TTC7B: variants seen among roughly 807,000 people sequenced by gnomAD.
TTC7B encodes the protein tetratricopeptide repeat domain 7B.
A neutral mutation model predicts 106.8 loss-of-function variants in TTC7B; 28 were observed. The observed-to-expected ratio is 0.26, with a 90% confidence interval of 0.19 to 0.36. The LOEUF (loss-of-function observed/expected upper bound fraction) is 0.36, where lower values mean the gene tolerates loss of function less well. TTC7B is among the 10% of genes least tolerant of loss of function. The pLI is 1.00. For missense variants in TTC7B, 862 were observed against 1,076.4 expected (o/e 0.80, Z 2.79); for synonymous variants, 405 against 430.6 (o/e 0.94, Z 0.74).
chr14:90,729,700 C>T (rs979634603), intron 5 of TTC7B, among the ~76,000 whole-genome samples: 1 of 152,196 alleles, frequency 6.6e-6, no homozygotes, highest in African/African-American at 2.4e-5. Context: ...GGGCGATGCT[C>T]CTGTGTGCCA....
chr14:90,661,959 T>C (rs1309426783), intron 9 of TTC7B, among the ~76,000 whole-genome samples: 1 of 152,168 alleles, frequency 6.6e-6, no homozygotes, highest in East Asian at 1.9e-4. Context: ...GTCTAATTGG[T>C]ATAGAACTGC....
rs1324732691 is a variant in TTC7B at position 90,600,313 on chromosome 14, G to A, written c.1967-6687C>T. Among the ~76,000 whole-genome samples, 2 of 152,172 alleles carry A rather than the reference G, an allele frequency of 1.3e-5. No homozygotes were observed. The highest frequency in any genetic ancestry group is 2.1e-4 in the South Asian group (1 of 4,834). On this transcript the variant is annotated intron_variant, in intron 17 of 19. Coordinates refer to ENST00000328459, the MANE Select transcript of TTC7B (RefSeq NM_001010854.2). The surrounding 1 kb of genome is among the most constrained non-coding windows in gnomAD (Gnocchi z 4.3). ...TCCAGGTGGTGGCTCCTTGCACCGCGCTGTCACAGCTCTCCTCTCCATCTG... is the reference window on the plus strand; with the variant it reads ...TCCAGGTGGTGGCTCCTTGCACCGCACTGTCACAGCTCTCCTCTCCATCTG...
Position 90,658,296 on chromosome 14 carries a change from G to A in TTC7B, c.1236+8C>T. 1 of 1,613,540 alleles carries A rather than the reference G, an allele frequency of 6.2e-7. No individual in the cohort carries two copies. The highest frequency in any genetic ancestry group is 2.2e-5 in the East Asian group (1 of 44,828). On this transcript the variant is annotated splice_region_variant and intron_variant, in intron 10 of 19. Coordinates refer to ENST00000328459, the MANE Select transcript of TTC7B (RefSeq NM_001010854.2). ...CATAAAAAACTGCCCATCACAAAAGGGACTCACTTTTCCAGCAGCCATCAG... is the reference window on the plus strand; with the variant it reads ...CATAAAAAACTGCCCATCACAAAAGAGACTCACTTTTCCAGCAGCCATCAG...
At chr14:90,557,918 A>C (rs971982414) in intron 19 of TTC7B, among the ~76,000 whole-genome samples, 3 of 152,244 alleles carry the variant, frequency 2.0e-5, no homozygotes, top group Non-Finnish European at 4.4e-5. Context: ...GCAGAGGAGA[A>C]GAGCTGCCAG....
chr14:90,644,442 A>G (rs1885346167), intron 14 of TTC7B, among the ~76,000 whole-genome samples: 1 of 152,248 alleles, frequency 6.6e-6, no homozygotes, highest in African/African-American at 2.4e-5. Context: ...TCTGACTGAT[A>G]GAGTGATACA....
At chr14:90,591,038 T>C (rs1248161373) in intron 18 of TTC7B, among the ~76,000 whole-genome samples, 1 of 152,128 alleles carries the variant, frequency 6.6e-6, no homozygotes, top group Admixed American at 6.5e-5. Context: ...TATATTAAAA[T>C]TCAAGGACAG....
chr14:90,695,610 C>T, intron 5 of TTC7B, 32 bp from the exon 6 acceptor site: 1 of 1,438,250 alleles, frequency 7.0e-7, no homozygotes, highest in Non-Finnish European at 9.6e-7. Context: ...CGGTTTTCAT[C>T]TGGCATGTAT....
intron 19 of TTC7B, among the ~76,000 whole-genome samples, chr14:90,555,280 G>A (rs1005546483): frequency 2.6e-5 from 4 of 152,200 alleles, no homozygotes; most frequent in African/African-American, 7.2e-5. Flanking sequence ...TGACGCAGCC[G>A]ACTTCCCTGC....
At chr14:90,750,940 C>T (rs761290608) in intron 3 of TTC7B, among the ~76,000 whole-genome samples, 1 of 152,184 alleles carries the variant, frequency 6.6e-6, no homozygotes, top group African/African-American at 2.4e-5. Flanking sequence ...TATAAATTTT[C>T]GAGTGTCCAG....
chr14:90,797,020 A>G (rs1595042062), intron 1 of TTC7B, among the ~76,000 whole-genome samples: 1 of 150,120 alleles, frequency 6.7e-6, no homozygotes, highest in East Asian at 2.0e-4. Context: ...TAATTTTTGT[A>G]TTTTAGTAGA....
chr14:90,557,951 C>T (rs369545355), intron 19 of TTC7B, among the ~76,000 whole-genome samples: 4 of 152,240 alleles, frequency 2.6e-5, no homozygotes, highest in African/African-American at 7.2e-5. Flanking sequence ...AGGCGCTCAT[C>T]GCTGCATCTC....
At chr14:90,692,630 T>C (rs1887520573) in intron 6 of TTC7B, among the ~76,000 whole-genome samples, 1 of 152,160 alleles carries the variant, frequency 6.6e-6, no homozygotes. Context: ...TTAAAACAAT[T>C]ACGAAAACAC....
chr14:90,676,271 C>A, intron 9 of TTC7B: 1 of 357,884 alleles, frequency 2.8e-6, no homozygotes, highest in Non-Finnish European at 5.0e-6. Flanking sequence ...GTTTGCCTTC[C>A]CTCACACACA....
rs951854899 is a variant in TTC7B at position 90,802,344 on chromosome 14, A to C, written c.121+13831T>G. ...CCTGTGCCCGTGCCTGCAGAAGGGAAGGGTCAGGAGAGAAGTGAAGGCTGT... is the reference window on the plus strand; with the variant it reads ...CCTGTGCCCGTGCCTGCAGAAGGGACGGGTCAGGAGAGAAGTGAAGGCTGT... On this transcript the variant is annotated intron_variant, in intron 1 of 19. Transcript: ENST00000328459. The surrounding 1 kb of genome is among the most constrained non-coding windows in gnomAD (Gnocchi z 4.7). Among the ~76,000 whole-genome samples the C allele has an allele frequency of 4.6e-5, 7 of 152,090 alleles. No homozygotes were observed. Among genetic ancestry groups the C allele is most frequent in the Non-Finnish European group, 7.4e-5 (5 of 68,018 alleles).
chr14:90,669,961 G>A (rs1182941629), intron 9 of TTC7B, among the ~76,000 whole-genome samples: 1 of 152,160 alleles, frequency 6.6e-6, no homozygotes, highest in South Asian at 2.1e-4. Context: ...AAAGGAACTC[G>A]GAAAACATGC....
chr14:90,816,176 G>T lies in TTC7B; in HGVS notation c.120C>A (p.Asn40Lys). ...VKQLSAKLIA[N>K]DDMAELLLGE... ...CAGGCCGGCGCGCCCGGAGCGTACC[G>T]TTGGCGATGAGCTTGGCCGACAGCT... The change falls in exon 1 of 20, where the codon AAC (asparagine) becomes AAA (lysine). Residue 40 changes from asparagine to lysine, a missense_variant and splice_region_variant. By Grantham distance (94) the Asn-to-Lys change is moderately conservative (BLOSUM62 0). Transcript: ENST00000328459. The T allele has an allele frequency of 8.0e-7, 1 of 1,246,122 alleles. No homozygotes were observed. Among genetic ancestry groups the T allele is most frequent in the Non-Finnish European group, 1.0e-6 (1 of 962,678 alleles). 77.2% of individuals were successfully genotyped at this position (1,246,122 alleles called of 1,614,324 possible).
intron 2 of TTC7B, among the ~76,000 whole-genome samples, 172 bp downstream of exon 2, chr14:90,786,002 C>T (rs1021059915): frequency 6.6e-6 from 1 of 152,188 alleles, no homozygotes; most frequent in African/African-American, 2.4e-5. Flanking sequence ...CAGTGGTCAG[C>T]CAGCCTAGAG....
rs1324212034 is a variant in TTC7B at position 90,756,996 on chromosome 14, T to C, written c.446-12074A>G. ...ACCTGAGATGAGCGGCCACATGCAATACACCCATCTAGCCGCCCACCATGA... is the reference window on the plus strand; with the variant it reads ...ACCTGAGATGAGCGGCCACATGCAACACACCCATCTAGCCGCCCACCATGA... On this transcript the variant is annotated intron_variant, in intron 3 of 19. Transcript: ENST00000328459. Among the ~76,000 whole-genome samples, 6 of 151,988 alleles carry C rather than the reference T, an allele frequency of 3.9e-5. No individual in the cohort carries two copies. The East Asian group carries it at 1.2e-3, about 29-fold the overall frequency.
chr14:90,657,501 G>A lies in TTC7B; in HGVS notation c.1237-223C>T, dbSNP rs561728915. The A allele has an allele frequency of 3.2e-5, 14 of 440,734 alleles. No individual in the cohort carries two copies. The highest frequency in any genetic ancestry group is 5.3e-5 in the Non-Finnish European group (13 of 247,072). The allele number at this position is 440,734 out of a possible 1,614,324, so 27.3% of individuals were successfully genotyped here. On this transcript the variant is annotated intron_variant, in intron 10 of 19. Coordinates refer to ENST00000328459, the MANE Select transcript of TTC7B (RefSeq NM_001010854.2). This position sits in a 1 kb window ranked among gnomAD's most constrained non-coding sequence, Gnocchi z 4.2. ...AAGCCAGCAGGAATGCTTCTCTGGC[G>A]CCACCTGAATTTCATTCCATACTTG...
Sources: allele counts gnomAD v4.1 joint callset (sites outside exome capture counted in the v4.1 genomes callset), GRCh38; gene constraint gnomAD v4.1.1; non-coding constraint Gnocchi (gnomAD v3.1); transcripts MANE v1.5; gene names NCBI Gene and HGNC (gene_info 2026-07-23, HGNC 2026-07-21).